ZNF385D: variants seen among roughly 807,000 people sequenced by gnomAD.
ZNF385D encodes the protein zinc finger protein 385D.
In ZNF385D, 15 loss-of-function variants were observed where a neutral mutation model predicts 35.8. The observed-to-expected ratio is 0.42, with a 90% CI of 0.28 to 0.64. ZNF385D has a LOEUF of 0.64. Ranked by LOEUF, ZNF385D falls within the 30% of genes least tolerant of loss-of-function variation. The probability of loss-of-function intolerance (pLI) is 0.23; values close to 1 mark genes in which losing one functional copy is unlikely to be tolerated. For missense variants in ZNF385D, 474 were observed against 494.6 expected, an observed-to-expected ratio of 0.96 and a Z score of 0.39; for synonymous variants, 212 against 186.8, an observed-to-expected ratio of 1.13 and a Z score of -1.10.
chr3:21,629,343 C>T (rs1157769834), intron 2 of ZNF385D, among the ~76,000 whole-genome samples: 1 of 152,124 alleles, frequency 6.6e-6, no homozygotes, highest in Non-Finnish European at 1.5e-5. Flanking sequence ...CCCTGCATAG[C>T]ATTCTATAAA....
intron 3 of ZNF385D, among the ~76,000 whole-genome samples, chr3:21,928,605 T>G (rs1478537286): frequency 3.9e-5 from 6 of 152,140 alleles, no homozygotes; most frequent in Non-Finnish European, 7.4e-5. Flanking sequence ...TTTAGCTATG[T>G]TAAAAAGGAA....
intron 1 of ZNF385D, among the ~76,000 whole-genome samples, chr3:21,690,911 T>C (rs139885270): frequency 2.0e-4 from 31 of 152,300 alleles, no homozygotes; most frequent in African/African-American, 6.7e-4. Flanking sequence ...ACGTGATCAA[T>C]ATCTAAAACT....
At chr3:21,809,372 T>C (rs1449225518) in intron 3 of ZNF385D, among the ~76,000 whole-genome samples, 1 of 136,546 alleles carries the variant, frequency 7.3e-6, no homozygotes, top group Non-Finnish European at 1.6e-5. Flanking sequence ...TTATGTTTGA[T>C]AACTGAAAAC....
At chr3:21,441,960 T>C (rs1701882007) in intron 4 of ZNF385D, among the ~76,000 whole-genome samples, 1 of 152,150 alleles carries the variant, frequency 6.6e-6, no homozygotes, top group African/African-American at 2.4e-5. Context: ...GTAGCAAATA[T>C]TCATTACTGC....
chr3:21,940,162 T>G (rs1701445316), intron 3 of ZNF385D, among the ~76,000 whole-genome samples: 1 of 152,164 alleles, frequency 6.6e-6, no homozygotes, highest in Non-Finnish European at 1.5e-5. Context: ...AACCACGAAC[T>G]ATGACGGTGT....
At chr3:21,964,024 A>C (rs1702742166) in intron 3 of ZNF385D, among the ~76,000 whole-genome samples, 1 of 152,168 alleles carries the variant, frequency 6.6e-6, no homozygotes, top group African/African-American at 2.4e-5. Flanking sequence ...ATATTCATTT[A>C]ATTGCGGGCA....
chr3:22,286,319 A>G (rs942891135), intron 2 of ZNF385D, among the ~76,000 whole-genome samples: 5 of 152,096 alleles, frequency 3.3e-5, no homozygotes, highest in Non-Finnish European at 7.4e-5. Context: ...GTAACAGTCT[A>G]TTAATTTTGC....
At chr3:21,687,925 G>C (rs2067159836) in intron 1 of ZNF385D, among the ~76,000 whole-genome samples, 1 of 151,758 alleles carries the variant, frequency 6.6e-6, no homozygotes, top group Non-Finnish European at 1.5e-5. Context: ...ACAGAGTCTT[G>C]ATCTGTCACC....
At chr3:22,363,659 A>G (rs1696519733) in intron 2 of ZNF385D, among the ~76,000 whole-genome samples, 2 of 152,130 alleles carry the variant, frequency 1.3e-5, no homozygotes, top group Admixed American at 1.3e-4. Flanking sequence ...ATGGCTGTTT[A>G]AAAACTTATG....
chr3:22,121,404 C>T (rs961512700), intron 3 of ZNF385D, among the ~76,000 whole-genome samples: 4 of 152,200 alleles, frequency 2.6e-5, no homozygotes, highest in African/African-American at 9.6e-5. Flanking sequence ...TCAGCAACAA[C>T]TGCTGAAGTC....
rs192056581 is a variant in ZNF385D, at chr3:21,940,640, C to T, written c.325+228177G>A. 8.4e-4 allele frequency among the ~76,000 whole-genome samples: 128 copies of T among 152,160 alleles called. 1 individual carries two copies. In the Middle Eastern group the frequency reaches 0.01, roughly 12 times the overall value. On this transcript the variant is annotated intron_variant, in intron 3 of 5. Transcript: ENST00000494108. ...TCTAGTTAGGGAGATAGACAACAAT[C>T]AGATTATAAATATGTAATATAGTTC...
chr3:22,068,579 C>G (rs1252532538), intron 3 of ZNF385D, among the ~76,000 whole-genome samples: 2 of 152,126 alleles, frequency 1.3e-5, no homozygotes, highest in Non-Finnish European at 2.9e-5. Flanking sequence ...GCCTGGCTTC[C>G]TACAGGTTCA....
chr3:21,557,217 G>A (rs1384224351), intron 3 of ZNF385D, among the ~76,000 whole-genome samples: 1 of 152,186 alleles, frequency 6.6e-6, no homozygotes, highest in Non-Finnish European at 1.5e-5. Flanking sequence ...TAGGAGTGGT[G>A]AGAGAGGGCA....
intron 2 of ZNF385D, among the ~76,000 whole-genome samples, chr3:22,348,645 C>T (rs142919148): frequency 0.011 from 1,523 of 138,412 alleles, 29 homozygotes; most frequent in African/African-American, 0.035. Flanking sequence ...CCAGCCTGGG[C>T]GACAAGAGCA....
intron 1 of ZNF385D, among the ~76,000 whole-genome samples, chr3:21,689,592 C>A (rs1420654898): frequency 6.6e-6 from 1 of 152,152 alleles, no homozygotes; most frequent in Non-Finnish European, 1.5e-5. Context: ...AGGTATCAAT[C>A]TTTGAAAACC....
At chr3:21,690,813 G>T (rs575645257) in intron 1 of ZNF385D, among the ~76,000 whole-genome samples, 1 of 152,276 alleles carries the variant, frequency 6.6e-6, no homozygotes, top group Admixed American at 6.5e-5. Flanking sequence ...GTGTTTTAAA[G>T]AGTCTCAGAT....
chr3:21,665,635 A>G (rs898235350), intron 1 of ZNF385D, among the ~76,000 whole-genome samples: 7 of 152,186 alleles, frequency 4.6e-5, no homozygotes, highest in Admixed American at 2.6e-4. Context: ...TGAGTATTCA[A>G]CAACTCCCTG....
intron 2 of ZNF385D, among the ~76,000 whole-genome samples, chr3:22,252,654 TAGAGAAGC>T (rs1209451084): frequency 1.3e-4 from 20 of 152,160 alleles, no homozygotes; most frequent in African/African-American, 4.8e-4. Context: ...GCTGCATCGA[TAGAGAAGC>T]AGAGAAGCTG....
At chr3:21,529,735 A>C (rs2061877843) in intron 3 of ZNF385D, among the ~76,000 whole-genome samples, 1 of 152,210 alleles carries the variant, frequency 6.6e-6, no homozygotes, top group Non-Finnish European at 1.5e-5. Flanking sequence ...TTAGTCATTA[A>C]GTCTTATTCT....
Sources: gnomAD v4.1 joint callset for allele counts (sites outside exome capture counted in the v4.1 genomes callset) on GRCh38, gnomAD v4.1.1 for gene constraint, MANE v1.5 for transcripts, NCBI Gene and HGNC (gene_info 2026-07-23, HGNC 2026-07-21) for gene names.